The following ZNF644 variants were observed in gnomAD, a reference collection of about 807,000 sequenced individuals.
The protein encoded by ZNF644 is zinc finger protein 644.
Under a neutral mutation model 108.0 loss-of-function variants are expected in ZNF644, and 20 were observed. That is an observed-to-expected ratio of 0.19 (90% confidence interval 0.13 to 0.27). ZNF644 has a LOEUF of 0.27. ZNF644 is among the 10% of genes least tolerant of loss of function. The pLI, the probability that ZNF644 is intolerant of heterozygous loss-of-function variation, is 1.00. For missense variants in ZNF644, 1,338 were observed against 1,548.9 expected, an observed-to-expected ratio of 0.86 and a Z score of 2.29; for synonymous variants, 542 against 539.1, an observed-to-expected ratio of 1.01 and a Z score of -0.08.
At chr1:91,020,371 CACAAA>C (rs1660797045) in intron 1 of ZNF644, 1 of 152,180 alleles carries the variant, frequency 6.6e-6, no homozygotes, top group African/African-American at 2.4e-5. Flanking sequence ...TAATTGCCAA[CACAAA>C]ACATTAGGTG....
At chr1:90,950,120 TA>T (rs1267883476) in intron 2 of ZNF644, among the ~76,000 whole-genome samples, 1 of 150,282 alleles carries the variant, frequency 6.7e-6, no homozygotes, top group Non-Finnish European at 1.5e-5. Flanking sequence ...TCTACTAAAA[TA>T]TAAAAAATTC....
chr1:90,937,723 T>G lies in ZNF644; in HGVS notation c.3450A>C (p.Leu1150Phe), dbSNP rs1409243997. ...CTGGTTTTGTTTCATCATATTCATT[T>G]AAGAAATTCAGCCCTTCTTCTTCTG... The part of the protein sequence containing the change: ...SASEEEGLNF[L>F]NEYDETKPEL... The change falls in exon 4 of 6, where the codon TTA (leucine) becomes TTC (phenylalanine). Residue 1150 changes from leucine (L) to phenylalanine (F), a missense_variant. By Grantham distance (22) the Leu-to-Phe change is conservative. Transcript: ENST00000337393. The G allele has an allele frequency of 1.9e-6, 3 of 1,613,924 alleles. No homozygotes were observed. The highest frequency in any genetic ancestry group is 2.5e-6 in the Non-Finnish European group (3 of 1,179,890).
At chr1:90,929,861 A>G (rs1650519389) in intron 4 of ZNF644, among the ~76,000 whole-genome samples, 1 of 152,206 alleles carries the variant, frequency 6.6e-6, no homozygotes, top group Non-Finnish European at 1.5e-5. Context: ...TAAAACACTG[A>G]CTTGATTTTT....
At chr1:90,947,306 T>TA (rs1557584208) in intron 2 of ZNF644, among the ~76,000 whole-genome samples, 1 of 152,184 alleles carries the variant, frequency 6.6e-6, no homozygotes, top group East Asian at 1.9e-4. Flanking sequence ...AATAGACATA[T>TA]ATGCACGTGG....
intron 4 of ZNF644, among the ~76,000 whole-genome samples, chr1:90,918,767 G>A (rs890092258): frequency 1.3e-5 from 2 of 151,938 alleles, no homozygotes; most frequent in Admixed American, 6.6e-5. Flanking sequence ...GACAAAAAAA[G>A]CTCAACTTTC....
intron 1 of ZNF644, among the ~76,000 whole-genome samples, chr1:90,995,392 C>T (rs561471147): frequency 2.0e-5 from 3 of 152,114 alleles, no homozygotes; most frequent in Non-Finnish European, 4.4e-5. Flanking sequence ...TCCTAAGAGA[C>T]CAGTAGGACA....
chr1:91,000,493 G>C (rs1015225993), intron 1 of ZNF644, among the ~76,000 whole-genome samples: 2 of 152,056 alleles, frequency 1.3e-5, no homozygotes, highest in Admixed American at 6.6e-5. Flanking sequence ...AAACCAACGA[G>C]AATAAAGACA....
intron 1 of ZNF644, among the ~76,000 whole-genome samples, chr1:90,999,192 A>C (rs1009212335): frequency 3.9e-5 from 6 of 152,178 alleles, no homozygotes; most frequent in East Asian, 1.9e-4. Flanking sequence ...AATACAGAGA[A>C]CACCACAAAG....
chr1:90,963,035 T>C (rs1654492049), intron 2 of ZNF644, among the ~76,000 whole-genome samples: 1 of 152,108 alleles, frequency 6.6e-6, no homozygotes, highest in Non-Finnish European at 1.5e-5. Flanking sequence ...AATGTATATA[T>C]TTTTTAAATG....
At chr1:91,021,868 A>G (rs1660971061) in intron 1 of ZNF644, 122 bp downstream of exon 1, 1 of 397,992 alleles carries the variant, frequency 2.5e-6, no homozygotes. Flanking sequence ...CCCGGGCCCG[A>G]GAGCCGGAGG....
At chr1:90,961,904 T>A (rs1034077910) in intron 2 of ZNF644, among the ~76,000 whole-genome samples, 1 of 152,078 alleles carries the variant, frequency 6.6e-6, no homozygotes, top group Non-Finnish European at 1.5e-5. Flanking sequence ...ACAGATAGTC[T>A]CCATCCAGAT....
Position 90,938,235 on chromosome 1 carries a change from G to C in ZNF644, c.3082+37C>G. The C allele has an allele frequency of 3.1e-6, 5 of 1,613,762 alleles. No individual in the cohort carries two copies. On this transcript the variant is annotated intron_variant, in intron 3 of 5. Coordinates refer to ENST00000337393, the MANE Select transcript of ZNF644 (RefSeq NM_201269.3). This position sits in a 1 kb window ranked among gnomAD's most constrained non-coding sequence, Gnocchi z 4.2. ...TTTAAATCTTCAGAATTAGAACACA[G>C]ACCTATCAGCCCAAATCATCCCCAT...
chr1:90,973,794 C>A (rs76051036), intron 2 of ZNF644, among the ~76,000 whole-genome samples: 8,345 of 152,156 alleles, frequency 0.055, 302 homozygotes, highest in Middle Eastern at 0.12. Flanking sequence ...ACTTTTAAGT[C>A]ATTCAATTTA....
intron 4 of ZNF644, among the ~76,000 whole-genome samples, chr1:90,932,973 T>C (rs1316977763): frequency 6.6e-6 from 1 of 152,188 alleles, no homozygotes; most frequent in Non-Finnish European, 1.5e-5. Flanking sequence ...TAGTACTTAA[T>C]CATATTTTTA....
intron 1 of ZNF644, among the ~76,000 whole-genome samples, chr1:91,009,095 A>C (rs1216655877): frequency 6.6e-6 from 1 of 152,124 alleles, no homozygotes; most frequent in Non-Finnish European, 1.5e-5. Flanking sequence ...AATAGAAAGA[A>C]AAGAACGGCT....
intron 2 of ZNF644, among the ~76,000 whole-genome samples, chr1:90,955,876 C>T (rs749355362): frequency 5.2e-4 from 79 of 152,308 alleles, no homozygotes; most frequent in African/African-American, 1.7e-3. Context: ...TAAATGTTTG[C>T]GGCAAGAGGC....
chr1:90,965,307 T>C (rs1250883608), intron 2 of ZNF644, among the ~76,000 whole-genome samples: 1 of 152,196 alleles, frequency 6.6e-6, no homozygotes, highest in Non-Finnish European at 1.5e-5. Flanking sequence ...TCTTGGCCTG[T>C]AGAGAGCCAT....
intron 1 of ZNF644, among the ~76,000 whole-genome samples, chr1:90,984,700 T>C (rs1008512171): frequency 1.3e-5 from 2 of 152,154 alleles, no homozygotes; most frequent in South Asian, 4.1e-4. Flanking sequence ...GCCTGACTGG[T>C]ATCATTCTAA....
At chr1:90,958,232 TAAAAA>T (rs777224217) in intron 2 of ZNF644, among the ~76,000 whole-genome samples, 3 of 41,388 alleles carry the variant, frequency 7.2e-5, no homozygotes, top group Admixed American at 2.8e-4. Context: ...GCAAAACTCC[TAAAAA>T]AAAAAAAAAA....
Sources: allele counts gnomAD v4.1 joint callset (sites outside exome capture counted in the v4.1 genomes callset), GRCh38; gene constraint gnomAD v4.1.1; non-coding constraint Gnocchi (gnomAD v3.1); transcripts MANE v1.5; gene names NCBI Gene and HGNC (gene_info 2026-07-23, HGNC 2026-07-21).